INPP5B: variants seen among roughly 807,000 people sequenced by gnomAD.
The protein encoded by INPP5B is type II inositol 1,4,5-trisphosphate 5-phosphatase.
Under a neutral mutation model 118.5 loss-of-function variants are expected in INPP5B, and 90 were observed. The observed-to-expected ratio is 0.76, with a 90% CI of 0.64 to 0.90. The LOEUF (loss-of-function observed/expected upper bound fraction) is 0.90. Ranked by LOEUF, INPP5B falls within the 40% of genes least tolerant of loss-of-function variation. The pLI, the probability that INPP5B is intolerant of heterozygous loss-of-function variation, is 0.00. For missense variants in INPP5B, 984 were observed against 1,125.6 expected, an observed-to-expected ratio of 0.87 and a Z score of 1.80; for synonymous variants, 385 against 418.9, an observed-to-expected ratio of 0.92 and a Z score of 0.99.
At chr1:37,919,376 A>AT (rs997484993) in intron 7 of INPP5B, among the ~76,000 whole-genome samples, 8 of 152,134 alleles carry the variant, frequency 5.3e-5, no homozygotes, top group Non-Finnish European at 1.2e-4. Flanking sequence ...TGCAAGCAAA[A>AT]TACCTGCAAA....
intron 6 of INPP5B, among the ~76,000 whole-genome samples, chr1:37,935,931 T>C (rs1013382866): frequency 3.9e-5 from 6 of 151,998 alleles, no homozygotes; most frequent in African/African-American, 1.2e-4. Flanking sequence ...CCAGGCGTGG[T>C]GGTGGGCACC....
rs777627979 is a variant in INPP5B, at chr1:37,940,777, A to G, written c.302T>C (p.Leu101Pro). The change falls in exon 6 of 24, where the codon CTG becomes CCG. Residue 101 changes from leucine (L) to proline (P), a missense_variant. By Grantham distance (98) the Leu-to-Pro change is moderately conservative. Transcript: ENST00000373024. ...YILGSDVTVQ[L>P]DTAELSLVFQ... ...TACGAGGCTAAGCTCTGCTGTGTCC[A>G]GCTGGACGGTCACATCTGAGCCTGC... is the stretch of plus-strand genomic sequence containing the variant. 4 of 1,613,804 alleles carry G rather than the reference A, an allele frequency of 2.5e-6. No homozygotes were observed. The highest frequency in any genetic ancestry group is 3.4e-6 in the Non-Finnish European group (4 of 1,179,736).
intron 7 of INPP5B, among the ~76,000 whole-genome samples, chr1:37,913,789 T>C (rs187688992): frequency 2.0e-5 from 3 of 152,314 alleles, no homozygotes; most frequent in Non-Finnish European, 4.4e-5. Context: ...AAGACAGGAA[T>C]GTCAGGTCTC....
At chr1:37,941,783 A>G (rs1645923559) in intron 5 of INPP5B, among the ~76,000 whole-genome samples, 1 of 138,864 alleles carries the variant, frequency 7.2e-6, no homozygotes, top group African/African-American at 2.6e-5. Context: ...CTAAAAATAC[A>G]AAAAATTAGC....
At chr1:37,899,842 T>C (rs1324755477) in intron 7 of INPP5B, among the ~76,000 whole-genome samples, 1 of 151,738 alleles carries the variant, frequency 6.6e-6, no homozygotes, top group Non-Finnish European at 1.5e-5. Context: ...GCCTCCCGAG[T>C]ATCCGGGACT....
At position 37,918,158 on chromosome 1, in the gene INPP5B, AC is replaced by A. The variant is rs3214943; in HGVS notation, c.532+13754del. On this transcript the variant is annotated intron_variant, in intron 7 of 23. Transcript: ENST00000373024. ...TCTCACAGCTGCCTTCCTCCAGGCT[AC>A]CATCTCCTCACTTGCTACCTCAGGA... Among the ~76,000 whole-genome samples the A allele has an allele frequency of 9.6e-3, 1,459 of 152,194 alleles. 13 individuals carry two copies. The highest frequency in any genetic ancestry group is 0.063 in the East Asian group (327 of 5,176).
chr1:37,868,312 CAAA>C (rs35639791), intron 20 of INPP5B, among the ~76,000 whole-genome samples, 186 bp downstream of exon 20: 2 of 83,010 alleles, frequency 2.4e-5, no homozygotes, highest in Non-Finnish European at 2.4e-5. Context: ...AACTCTGTCT[CAAA>C]AAAAAAAAAA....
chr1:37,880,141 C>T lies in INPP5B; in HGVS notation c.1485G>A (p.Glu495=). 1.2e-6 allele frequency: 2 copies of T among 1,612,244 alleles called. No individual in the cohort carries two copies. Among genetic ancestry groups the T allele is most frequent in the South Asian group, 1.1e-5 (1 of 90,936 alleles). The part of the protein sequence containing the change: ...KTVFEGFTEG[E]LTFQPTYKYD... ...ACTTGTAAGTAGGCTGGAATGTGAG[C>T]TCACCCTCTGTGAAGCCTTCAAAGA... is the stretch of plus-strand genomic sequence containing the variant. Residue 495 remains glutamate (E), a synonymous_variant, in exon 15 of 24, where the codon GAG becomes GAA. Transcript: ENST00000373024.
At chr1:37,865,310 G>C (rs1199077624) in intron 22 of INPP5B, among the ~76,000 whole-genome samples, 2 of 152,178 alleles carry the variant, frequency 1.3e-5, no homozygotes, top group African/African-American at 4.8e-5. Context: ...ATCATAGAAC[G>C]TCTTCAATAT....
At chr1:37,870,290 T>C (rs149891789) in intron 19 of INPP5B, among the ~76,000 whole-genome samples, 1 of 152,212 alleles carries the variant, frequency 6.6e-6, no homozygotes, top group Non-Finnish European at 1.5e-5. Context: ...CTTAATTTTT[T>C]TGTAGAGATG....
intron 7 of INPP5B, among the ~76,000 whole-genome samples, chr1:37,897,323 CG>C (rs1393002995): frequency 1.4e-5 from 2 of 148,134 alleles, no homozygotes; most frequent in Non-Finnish European, 3.0e-5. Flanking sequence ...ATTGAGAAAT[CG>C]GATGGTTGCC....
intron 19 of INPP5B, among the ~76,000 whole-genome samples, chr1:37,871,997 G>C (rs2148463943): frequency 6.7e-6 from 1 of 148,834 alleles, no homozygotes; most frequent in Non-Finnish European, 1.5e-5. Flanking sequence ...CCAGGAGGTG[G>C]AGGGTGCAGT....
Position 37,945,849 on chromosome 1 carries a change from G to C in INPP5B, c.59C>G (p.Ala20Gly). ...CCCCTCACACAGCACACCTTGCACC[G>C]CCTGCGGCTCAGAGTCAAGGGAAGA... ...TLAEGEYCVI[A>G]VQGVLCEGDS... The change falls in exon 3 of 24, where the codon GCG becomes GGG. Residue 20 changes from alanine to glycine, a missense_variant and splice_region_variant. By Grantham distance (60) the Ala-to-Gly change is moderately conservative. Coordinates refer to ENST00000373024, the MANE Select transcript of INPP5B (RefSeq NM_005540.3). 6.2e-7 allele frequency: 1 copy of C among 1,613,688 alleles called. No homozygotes were observed. Among genetic ancestry groups the C allele is most frequent in the Non-Finnish European group, 8.5e-7 (1 of 1,179,806 alleles).
chr1:37,942,236 C>T (rs1269828874), intron 5 of INPP5B: 1 of 150,896 alleles, frequency 6.6e-6, no homozygotes, highest in African/African-American at 2.4e-5. Context: ...CGAGACCATC[C>T]TGGCCAACAC....
At chr1:37,934,297 G>A (rs926917568) in intron 6 of INPP5B, among the ~76,000 whole-genome samples, 8 of 152,078 alleles carry the variant, frequency 5.3e-5, no homozygotes, top group East Asian at 3.9e-4. Flanking sequence ...CAATTTACTC[G>A]TCTGTAAAAC....
chr1:37,935,786 G>A (rs1557723080), intron 6 of INPP5B, among the ~76,000 whole-genome samples: 1 of 152,072 alleles, frequency 6.6e-6, no homozygotes, highest in African/African-American at 2.4e-5. Flanking sequence ...CTTAATGGCG[G>A]CCGGGCGCGG....
At chr1:37,920,814 C>T (rs1280829349) in intron 7 of INPP5B, among the ~76,000 whole-genome samples, 1 of 151,332 alleles carries the variant, frequency 6.6e-6, no homozygotes, top group African/African-American at 2.4e-5. Flanking sequence ...AGCTGAAAAA[C>T]AGAGATCCTC....
chr1:37,926,612 T>TA (rs899311915), intron 7 of INPP5B, among the ~76,000 whole-genome samples: 84 of 151,242 alleles, frequency 5.6e-4, no homozygotes, highest in African/African-American at 1.8e-3. Context: ...AACTTTGGAT[T>TA]AAAAAAAAAC....
intron 7 of INPP5B, chr1:37,931,665 C>A: frequency 1.3e-6 from 2 of 1,522,594 alleles, no homozygotes; most frequent in Non-Finnish European, 1.8e-6. Context: ...TCCCGCCGCC[C>A]GCCGAACCTG....
Sources: allele counts gnomAD v4.1 joint callset (sites outside exome capture counted in the v4.1 genomes callset), GRCh38; gene constraint gnomAD v4.1.1; transcripts MANE v1.5; gene names NCBI Gene and HGNC (gene_info 2026-07-23, HGNC 2026-07-21).